SLC39A12: variants seen among roughly 807,000 people sequenced by gnomAD.
The protein encoded by SLC39A12 is zinc transporter ZIP12.
A neutral mutation model predicts 71.1 loss-of-function variants in SLC39A12; 63 were observed. The observed-to-expected ratio is 0.89, with a 90% CI of 0.72 to 1.09. The LOEUF is 1.09. Among genes scored for constraint, SLC39A12 ranks in the 50% least tolerant of loss-of-function variants. The pLI, the probability that SLC39A12 is intolerant of heterozygous loss-of-function variation, is 0.00. For synonymous variants in SLC39A12, 351 were observed against 301.3 expected, an observed-to-expected ratio of 1.16 and a Z score of -1.71; for missense variants, 892 against 812.6, an observed-to-expected ratio of 1.10 and a Z score of -1.19.
Position 17,977,933 on chromosome 10 carries a change from C to T in SLC39A12, c.783C>T (p.Thr261=), listed in dbSNP as rs1274393632. 6.2e-7 allele frequency: 1 copy of T among 1,608,332 alleles called. No homozygotes were observed. ...ELDQLLNTLW[T]RSTCIKNEKI... is the part of the protein sequence containing the mutation. ...ACCAACTCCTCAACACTCTCTGGAC[C>T]AGAAGTACTTGTATCAAAAATGAGA... The change falls in exon 5 of 13, where the codon ACC becomes ACT. Residue 261 remains threonine (T), a synonymous_variant. Transcript: ENST00000377369.
At chr10:17,995,573 A>T (rs1365868970) in intron 9 of SLC39A12, 83 bp from the exon 10 acceptor site, 3 of 1,284,524 alleles carry the variant, frequency 2.3e-6, no homozygotes, top group Non-Finnish European at 3.3e-6. Flanking sequence ...TTAAAAACCC[A>T]TGTAACTCTC....
intron 12 of SLC39A12, among the ~76,000 whole-genome samples, chr10:18,036,076 C>T (rs935035249): frequency 6.6e-6 from 1 of 152,232 alleles, no homozygotes; most frequent in African/African-American, 2.4e-5. Flanking sequence ...ACATTTAAGT[C>T]TGCAGAGGTT....
intron 8 of SLC39A12, among the ~76,000 whole-genome samples, chr10:17,992,095 A>T (rs1360358470): frequency 3.3e-5 from 5 of 151,276 alleles, no homozygotes; most frequent in Non-Finnish European, 5.9e-5. Flanking sequence ...TCTCAAAAAA[A>T]AAAAAAAAAA....
chr10:17,955,148 G>A (rs1239992359), intron 2 of SLC39A12, among the ~76,000 whole-genome samples: 1 of 151,132 alleles, frequency 6.6e-6, no homozygotes. Context: ...TTGAATAGTA[G>A]TTTTGCCAGG....
chr10:17,992,088 C>CA lies in SLC39A12; in HGVS notation c.1422+806dup, dbSNP rs59014549. On this transcript the variant is annotated intron_variant, in intron 8 of 12. Coordinates refer to ENST00000377369, the MANE Select transcript of SLC39A12 (RefSeq NM_001145195.2). ...TGGGTGACAGAGCGAGACTCCATCT[C>CA]AAAAAAAAAAAAAAAAAAAAACAAA... Among the ~76,000 whole-genome samples, 362 of 87,162 alleles carry CA rather than the reference C, an allele frequency of 4.2e-3. 8 individuals are homozygous for CA. Among genetic ancestry groups the CA allele is most frequent in the African/African-American group, 0.011 (248 of 21,568 alleles). The allele number at this position is 87,162 out of a possible 152,430, so 57.2% of individuals were successfully genotyped here.
intron 4 of SLC39A12, among the ~76,000 whole-genome samples, chr10:17,968,045 CTTTG>C (rs950808654): frequency 2.6e-5 from 4 of 151,114 alleles, no homozygotes; most frequent in East Asian, 1.9e-4. Context: ...TCTAGCTGAT[CTTTG>C]TTTGTGTGTG....
At chr10:18,016,942 T>C (rs79123332) in intron 12 of SLC39A12, among the ~76,000 whole-genome samples, 2 of 152,296 alleles carry the variant, frequency 1.3e-5, no homozygotes, top group East Asian at 3.9e-4. Flanking sequence ...TACCATTCCT[T>C]TATCAGATGT....
intron 11 of SLC39A12, among the ~76,000 whole-genome samples, chr10:18,001,519 G>GAAAAAC (rs367885035): frequency 6.6e-6 from 1 of 151,906 alleles, no homozygotes; most frequent in Admixed American, 6.6e-5. Flanking sequence ...ATCTCAAAAA[G>GAAAAAC]AAAAACAAAA....
At chr10:17,994,073 T>C (rs1237028997) in intron 9 of SLC39A12, among the ~76,000 whole-genome samples, 1 of 152,172 alleles carries the variant, frequency 6.6e-6, no homozygotes, top group Admixed American at 6.5e-5. Flanking sequence ...ACCAGAAATT[T>C]CCTTTAAAAT....
At chr10:17,973,445 T>C (rs1835025817) in intron 4 of SLC39A12, among the ~76,000 whole-genome samples, 1 of 152,148 alleles carries the variant, frequency 6.6e-6, no homozygotes, top group Non-Finnish European at 1.5e-5. Flanking sequence ...TCCCTCAGCT[T>C]TTGCTTGTCT....
chr10:18,015,289 T>G (rs1013978917), intron 12 of SLC39A12, among the ~76,000 whole-genome samples: 8 of 152,162 alleles, frequency 5.3e-5, no homozygotes, highest in African/African-American at 1.9e-4. Flanking sequence ...ATTTTTTAGT[T>G]GACATGTTAA....
At position 18,003,256 on chromosome 10, in the gene SLC39A12, G is replaced by A; in HGVS notation, c.1845G>A (p.Met615Ile). Residue 615 changes from methionine (M) to isoleucine (I), a missense_variant, in exon 12 of 13, where the codon ATG becomes ATA. Met to Ile is a conservative substitution (Grantham distance 10, BLOSUM62 1). Coordinates refer to ENST00000377369, the MANE Select transcript of SLC39A12 (RefSeq NM_001145195.2). ...MNFISSLTAF[M>I]GLYIGLSVSA... ...TTATAAGCTCCCTAACTGCCTTCATGGGATTATACATTGGCCTTTCCGTGT... is the reference window on the plus strand; with the variant it reads ...TTATAAGCTCCCTAACTGCCTTCATAGGATTATACATTGGCCTTTCCGTGT... 6.2e-7 allele frequency: 1 copy of A among 1,614,068 alleles called. No individual in the cohort carries two copies. Among genetic ancestry groups the A allele is most frequent in the Non-Finnish European group, 8.5e-7 (1 of 1,179,998 alleles).
In SLC39A12 at chr10:17,987,506, C is replaced by A. The variant is rs761037518; in HGVS notation, c.1124C>A (p.Thr375Asn). 1.2e-6 allele frequency: 2 copies of A among 1,614,104 alleles called. No individual in the cohort carries two copies. The highest frequency in any genetic ancestry group is 2.2e-5 in the East Asian group (1 of 44,882). ...TACGGCTACAGCACGGTGGCTGTCA[C>A]CCTTCTCACACTGGGCTCCATGCTG... ...EKYGYSTVAVTLLTLGSMLGT... is the reference protein window; with the variant it reads ...EKYGYSTVAVNLLTLGSMLGT... Residue 375 changes from threonine to asparagine, a missense_variant, in exon 7 of 13, where the codon ACC becomes AAC. Transcript: ENST00000377369.
chr10:17,988,029 C>G (rs1031541859), intron 7 of SLC39A12, among the ~76,000 whole-genome samples: 1 of 152,138 alleles, frequency 6.6e-6, no homozygotes, highest in African/African-American at 2.4e-5. Context: ...CAAAAATTAG[C>G]TGCACATGTT....
chr10:17,966,599 C>G (rs982266108), intron 4 of SLC39A12, among the ~76,000 whole-genome samples: 1 of 152,106 alleles, frequency 6.6e-6, no homozygotes, highest in African/African-American at 2.4e-5. Context: ...GAGTGTGCTA[C>G]TGTGCCCAGT....
chr10:18,042,444 C>T (rs1272790901), intron 12 of SLC39A12, among the ~76,000 whole-genome samples: 1 of 97,500 alleles, frequency 1.0e-5, no homozygotes, highest in African/African-American at 4.3e-5. Flanking sequence ...GGTGACAGGG[C>T]AAAGACCCTG....
chr10:17,977,881 G>T (rs373962423), intron 4 of SLC39A12, 21 bp from the exon 5 acceptor site: 3 of 1,554,524 alleles, frequency 1.9e-6, no homozygotes, highest in Admixed American at 2.0e-5. Flanking sequence ...TGTGACACCA[G>T]ATTTTATATG....
intron 12 of SLC39A12, among the ~76,000 whole-genome samples, chr10:18,020,784 G>T (rs935939556): frequency 1.3e-5 from 2 of 152,012 alleles, no homozygotes; most frequent in Non-Finnish European, 2.9e-5. Flanking sequence ...AGACATGTCT[G>T]TTCCTGTCCT....
At chr10:17,987,404 C>T (rs1195431329) in intron 6 of SLC39A12, 75 bp from the exon 7 acceptor site, 3 of 1,392,424 alleles carry the variant, frequency 2.2e-6, no homozygotes, top group African/African-American at 1.4e-5. Context: ...ACCAATTCTT[C>T]TGGCATTTTC....
Sources: allele counts gnomAD v4.1 joint callset (sites outside exome capture counted in the v4.1 genomes callset), GRCh38; gene constraint gnomAD v4.1.1; transcripts MANE v1.5; gene names NCBI Gene and HGNC (gene_info 2026-07-23, HGNC 2026-07-21).